Variants in TTBK1 observed in about 807,000 individuals in gnomAD.
TTBK1 encodes the protein tau tubulin kinase 1.
Under a neutral mutation model 108.5 loss-of-function variants are expected in TTBK1, and 34 were observed. The ratio of observed to expected loss-of-function variants is 0.31; its 90% CI spans 0.24 to 0.42. The LOEUF (loss-of-function observed/expected upper bound fraction) is 0.42. Ranked by LOEUF, TTBK1 falls within the 10% of genes least tolerant of loss-of-function variation. TTBK1 has a pLI of 1.00. For synonymous variants in TTBK1, 809 were observed against 795.1 expected, an observed-to-expected ratio of 1.02 and a Z score of -0.29; for missense variants, 1,539 against 1,826.0, an observed-to-expected ratio of 0.84 and a Z score of 2.86.
intron 13 of TTBK1, among the ~76,000 whole-genome samples, chr6:43,281,086 G>A (rs747823048): frequency 3.9e-5 from 6 of 152,166 alleles, no homozygotes; most frequent in Non-Finnish European, 7.4e-5. Flanking sequence ...GATCTGAACT[G>A]TCTTAGGCCA....
chr6:43,263,316 G>A lies in TTBK1; in HGVS notation c.1952G>A (p.Arg651Gln), dbSNP rs892274764. Residue 651 changes from arginine (R) to glutamine (Q), a missense_variant, in exon 13 of 15, where the codon CGG becomes CAG. Coordinates refer to ENST00000259750, the MANE Select transcript of TTBK1 (RefSeq NM_032538.3). This position sits in a 1 kb window ranked among gnomAD's most constrained non-coding sequence, Gnocchi z 4.7. ...CTGCACTCGGGACCCCGCCCTCGAC[G>A]GAGAGAGTCGGACCCCACAGGCCCA... ...SPLHSGPRPR[R>Q]RESDPTGPQR... is the part of the protein sequence containing the mutation. 13 of 1,478,018 alleles carry A rather than the reference G, an allele frequency of 8.8e-6. No individual in the cohort carries two copies. The highest frequency in any genetic ancestry group is 7.1e-5 in the African/African-American group (5 of 70,686). 91.6% of individuals were successfully genotyped at this position (1,478,018 alleles called of 1,614,324 possible).
At position 43,287,354 on chromosome 6, in the gene TTBK1, C is replaced by G. The variant is rs1244439954; in HGVS notation, c.*1978C>G. On this transcript the variant is annotated 3_prime_UTR_variant, in exon 15 of 15. Transcript: ENST00000259750. The surrounding 1 kb of genome is among the most constrained non-coding windows in gnomAD (Gnocchi z 4.1). The stretch of plus-strand genomic sequence containing the variant: ...TGACTCCTGGTGCCCAGGCCCTGGG[C>G]CTGCTCCTTGCCACCAACCGAACCG... 2 of 152,734 alleles carry G rather than the reference C, an allele frequency of 1.3e-5. No homozygotes were observed. The highest frequency in any genetic ancestry group is 2.4e-5 in the African/African-American group (1 of 41,418). 9.5% of individuals were successfully genotyped at this position (152,734 alleles called of 1,614,324 possible). A position where few individuals can be genotyped will look rare whatever the true frequency, so the allele number is the denominator to read the frequency against.
At position 43,284,093 on chromosome 6, in the gene TTBK1, G is replaced by C. The variant is rs200164651; in HGVS notation, c.3353G>C (p.Arg1118Pro). The C allele has an allele frequency of 6.5e-7, 1 of 1,540,088 alleles. No homozygotes were observed. The highest frequency in any genetic ancestry group is 1.4e-5 in the African/African-American group (1 of 73,124). ...GASSSSSEEQ[R>P]RASETLSGTG... is the part of the protein sequence containing the mutation. ...TCGTCCTCCTCCAGTGAGGAGCAGC[G>C]CCGTGCCTCTGAGACCCTCTCAGGC... Residue 1118 changes from arginine (R) to proline (P), a missense_variant, in exon 14 of 15, where the codon CGC becomes CCC. This residue lies in a region of TTBK1 where 1,055 missense variants were observed against 1,086.5 expected (regional missense o/e 0.97). Transcript: ENST00000259750.
chr6:43,270,121 C>T (rs1582504783), intron 13 of TTBK1: 2 of 1,375,962 alleles, frequency 1.5e-6, no homozygotes, highest in East Asian at 2.9e-5. Context: ...AATACTCCCA[C>T]CCCAAGCAGA....
intron 13 of TTBK1, among the ~76,000 whole-genome samples, chr6:43,272,848 G>C (rs200286090): frequency 6.6e-6 from 1 of 152,276 alleles, no homozygotes; most frequent in East Asian, 1.9e-4. Context: ...GAGAAGGCCA[G>C]AATGTTTCAA....
intron 13 of TTBK1, among the ~76,000 whole-genome samples, chr6:43,281,671 C>A (rs1264985507): frequency 6.6e-6 from 1 of 152,130 alleles, no homozygotes; most frequent in East Asian, 1.9e-4. Flanking sequence ...GCAGGATATC[C>A]CCGGGGCTTC....
intron 2 of TTBK1, among the ~76,000 whole-genome samples, chr6:43,247,089 G>T (rs1186186859): frequency 4.6e-5 from 7 of 152,180 alleles, no homozygotes; most frequent in East Asian, 1.9e-4. Context: ...GAAGAGGGGT[G>T]GGGGAGGGAG....
At chr6:43,267,381 T>C (rs1342138129) in intron 13 of TTBK1, among the ~76,000 whole-genome samples, 2 of 152,176 alleles carry the variant, frequency 1.3e-5, no homozygotes, top group African/African-American at 4.8e-5. Context: ...GCGGAGATTA[T>C]GCGGCTCAGG....
rs1308802088 is a variant in TTBK1, at chr6:43,283,659, G to A, written c.2919G>A (p.Glu973=). 1.2e-6 allele frequency: 2 copies of A among 1,613,828 alleles called. No homozygotes were observed. The highest frequency in any genetic ancestry group is 2.2e-5 in the East Asian group (1 of 44,898). Residue 973 remains glutamate (E), a synonymous_variant, in exon 14 of 15, where the codon GAG becomes GAA. Coordinates refer to ENST00000259750, the MANE Select transcript of TTBK1 (RefSeq NM_032538.3). This position sits in a 1 kb window ranked among gnomAD's most constrained non-coding sequence, Gnocchi z 8.1. ...CCTCTGATGGGGGCGCTGTGGAGGA[G>A]GGGGCCCGAGCGCCCCTGGAGAACG... ...ELASDGGAVE[E]GARAPLENGL...
rs1374201962 is a variant in TTBK1 at position 43,273,488 on chromosome 6, AGAG to A, written c.1987-9232_1987-9230del. On this transcript the variant is annotated intron_variant, in intron 13 of 14. Transcript: ENST00000259750. The surrounding 1 kb of genome is among the most constrained non-coding windows in gnomAD (Gnocchi z 4.2). ...CAGCAGCTCTGGGGATCAGGTGGGC[AGAG>A]GAGGAGTTAGCATGAGAAAGCAGGG... 6.6e-6 allele frequency among the ~76,000 whole-genome samples: 1 copy of A among 152,120 alleles called. No homozygotes were observed. Among genetic ancestry groups the A allele is most frequent in the Non-Finnish European group, 1.5e-5 (1 of 68,020 alleles).
chr6:43,270,484 C>T, intron 13 of TTBK1: 1 of 984,706 alleles, frequency 1.0e-6, no homozygotes, highest in Non-Finnish European at 1.2e-6. Flanking sequence ...GAGGCCAGGA[C>T]AGCCAGGTTT....
Position 43,257,019 on chromosome 6 carries a change from G to T in TTBK1, c.862-793G>T, listed in dbSNP as rs1193259725. 6.6e-6 allele frequency among the ~76,000 whole-genome samples: 1 copy of T among 152,158 alleles called. No homozygotes were observed. Among genetic ancestry groups the T allele is most frequent in the Non-Finnish European group, 1.5e-5 (1 of 68,018 alleles). On this transcript the variant is annotated intron_variant, in intron 9 of 14. Transcript: ENST00000259750. The surrounding 1 kb of genome is among the most constrained non-coding windows in gnomAD (Gnocchi z 4.5). ...GTGTTCTGCCTGGGATCCACTACACGCCAGGCACGATGCTGCATACTGTAG... is the reference window on the plus strand; with the variant it reads ...GTGTTCTGCCTGGGATCCACTACACTCCAGGCACGATGCTGCATACTGTAG...
intron 13 of TTBK1, among the ~76,000 whole-genome samples, chr6:43,266,182 G>A (rs1391799183): frequency 6.6e-6 from 1 of 152,232 alleles, no homozygotes; most frequent in Admixed American, 6.5e-5. Context: ...CCCTGTGCAT[G>A]TGCGTTTGTG....
Position 43,282,669 on chromosome 6 carries a change from C to T in TTBK1, c.1987-58C>T. The T allele has an allele frequency of 1.4e-6, 2 of 1,464,208 alleles. No individual in the cohort carries two copies. Among genetic ancestry groups the T allele is most frequent in the Non-Finnish European group, 9.3e-7 (1 of 1,076,504 alleles). 90.7% of individuals were successfully genotyped at this position (1,464,208 alleles called of 1,614,324 possible). A position where few individuals can be genotyped will look rare whatever the true frequency, so the allele number is the denominator to read the frequency against. On this transcript the variant is annotated intron_variant, in intron 13 of 14. Coordinates refer to ENST00000259750, the MANE Select transcript of TTBK1 (RefSeq NM_032538.3). This position sits in a 1 kb window ranked among gnomAD's most constrained non-coding sequence, Gnocchi z 5.4. ...CCTAGGTTGTGGGTGCAGCTGAAGT[C>T]TTCCTGGGCCCAGGAGGGTGGGTGA...
chr6:43,254,508 G>A (rs375140691), intron 5 of TTBK1, 39 bp from the exon 6 acceptor site: 5 of 1,491,746 alleles, frequency 3.4e-6, no homozygotes, highest in Admixed American at 2.4e-5. Context: ...CCCAGCTGGG[G>A]TTGGGGCCCC....
chr6:43,281,601 G>A (rs1338202067), intron 13 of TTBK1, among the ~76,000 whole-genome samples: 2 of 152,138 alleles, frequency 1.3e-5, no homozygotes, highest in South Asian at 2.1e-4. Context: ...ACACAGAGAA[G>A]TTTAAGAAGG....
chr6:43,259,826 GGTTA>G lies in TTBK1; in HGVS notation c.1424+121_1424+124del. On this transcript the variant is annotated intron_variant, in intron 12 of 14. Coordinates refer to ENST00000259750, the MANE Select transcript of TTBK1 (RefSeq NM_032538.3). The surrounding 1 kb of genome is among the most constrained non-coding windows in gnomAD (Gnocchi z 6.7). Reference sequence around the variant, plus strand: ...GGCAGACCCTGGGAAGTGCTGAGAGGGTTATACTTGGGCCTGGGGTCAGACTCAG... The same window carrying G: ...GGCAGACCCTGGGAAGTGCTGAGAGGTACTTGGGCCTGGGGTCAGACTCAG... The G allele has an allele frequency of 9.4e-7, 1 of 1,064,642 alleles. No individual in the cohort carries two copies. Among genetic ancestry groups the G allele is most frequent in the Non-Finnish European group, 1.3e-6 (1 of 761,432 alleles). 65.9% of individuals were successfully genotyped at this position (1,064,642 alleles called of 1,614,324 possible).
rs1778230301 is a variant in TTBK1 at position 43,283,109 on chromosome 6, G to A, written c.2369G>A (p.Ser790Asn). 1.3e-6 allele frequency: 2 copies of A among 1,578,388 alleles called. No individual in the cohort carries two copies. Among genetic ancestry groups the A allele is most frequent in the Non-Finnish European group, 1.7e-6 (2 of 1,162,768 alleles). The change falls in exon 14 of 15, where the codon AGT (serine) becomes AAT (asparagine). Residue 790 changes from serine to asparagine, a missense_variant. By Grantham distance (46) the Ser-to-Asn change is conservative (BLOSUM62 1). Coordinates refer to ENST00000259750, the MANE Select transcript of TTBK1 (RefSeq NM_032538.3). The surrounding 1 kb of genome is among the most constrained non-coding windows in gnomAD (Gnocchi z 8.1). The part of the protein sequence containing the change: ...EVLGPRSGSS[S>N]EGSERSTDRS... ...CTGGGGCCTCGTAGTGGCTCCAGCA[G>A]TGAGGGGAGTGAGAGGAGCACTGAC... is the stretch of plus-strand genomic sequence containing the variant.
In TTBK1 at chr6:43,253,262, G is replaced by A; in HGVS notation, c.257-29G>A. ...TGGAAATGAGGAAGAAAGAGTAAGAGCTGGAAGACCTATGTCTGTGCCCCT... is the reference window on the plus strand; with the variant it reads ...TGGAAATGAGGAAGAAAGAGTAAGAACTGGAAGACCTATGTCTGTGCCCCT... On this transcript the variant is annotated intron_variant, in intron 3 of 14. Transcript: ENST00000259750. The surrounding 1 kb of genome is among the most constrained non-coding windows in gnomAD (Gnocchi z 5.8). 6.2e-7 allele frequency: 1 copy of A among 1,612,564 alleles called. No individual in the cohort carries two copies. The highest frequency in any genetic ancestry group is 2.2e-5 in the East Asian group (1 of 44,876).
Sources: allele counts gnomAD v4.1 joint callset (sites outside exome capture counted in the v4.1 genomes callset), GRCh38; gene constraint gnomAD v4.1.1; regional missense constraint gnomAD v4.1.1; non-coding constraint Gnocchi (gnomAD v3.1); transcripts MANE v1.5; gene names NCBI Gene and HGNC (gene_info 2026-07-23, HGNC 2026-07-21).